The following AIF1L variants were observed in gnomAD, a reference collection of about 807,000 sequenced individuals.
AIF1L encodes allograft inflammatory factor 1-like.
Under a neutral mutation model 20.7 loss-of-function variants are expected in AIF1L, and 12 were observed. The observed-to-expected ratio is 0.58, with a 90% CI of 0.37 to 0.94. The LOEUF (loss-of-function observed/expected upper bound fraction) is 0.94, where lower values mean the gene tolerates loss of function less well. Among genes scored for constraint, AIF1L ranks in the 40% least tolerant of loss-of-function variants. The pLI, the probability that AIF1L is intolerant of heterozygous loss-of-function variation, is 0.01. For synonymous variants in AIF1L, 76 were observed against 65.1 expected, an observed-to-expected ratio of 1.17 and a Z score of -0.81; for missense variants, 173 against 185.3, an observed-to-expected ratio of 0.93 and a Z score of 0.39.
At chr9:131,098,643 G>A (rs1415248996) in intron 2 of AIF1L, among the ~76,000 whole-genome samples, 2 of 152,176 alleles carry the variant, frequency 1.3e-5, no homozygotes, top group Non-Finnish European at 2.9e-5. Context: ...GGGAGGGGGC[G>A]GCTCCAGGGT....
intron 5 of AIF1L, 95 bp downstream of exon 5, chr9:131,118,013 A>T: frequency 7.4e-7 from 1 of 1,354,554 alleles, no homozygotes; most frequent in Non-Finnish European, 1.0e-6. Flanking sequence ...TTCCCCACCT[A>T]GTAGGTAACT....
At chr9:131,109,717 C>T (rs959540078) in intron 2 of AIF1L, among the ~76,000 whole-genome samples, 1 of 152,202 alleles carries the variant, frequency 6.6e-6, no homozygotes, top group Non-Finnish European at 1.5e-5. Context: ...ACATAAGTTA[C>T]CTGGCACTGT....
intron 2 of AIF1L, chr9:131,102,906 C>T: frequency 2.2e-6 from 1 of 456,298 alleles, no homozygotes. Context: ...GTGATATCCG[C>T]CCACCCCAAA....
intron 5 of AIF1L, 73 bp downstream of exon 5, chr9:131,117,991 G>T: frequency 6.8e-7 from 1 of 1,480,540 alleles, no homozygotes; most frequent in Non-Finnish European, 9.0e-7. Context: ...CTGGCTCTGG[G>T]CACCCCAGCC....
intron 2 of AIF1L, among the ~76,000 whole-genome samples, chr9:131,101,142 C>T (rs1465238382): frequency 6.6e-6 from 1 of 152,040 alleles, no homozygotes; most frequent in Admixed American, 6.6e-5. Context: ...GTGATCCGCC[C>T]CCCTCGGCCT....
In AIF1L at chr9:131,117,829, C is replaced by T; in HGVS notation, c.276C>T (p.Ile92=). 1 of 1,614,148 alleles carries T rather than the reference C, an allele frequency of 6.2e-7. No homozygotes were observed. Among genetic ancestry groups the T allele is most frequent in the Non-Finnish European group, 8.5e-7 (1 of 1,180,024 alleles). Residue 92 remains isoleucine (I), a synonymous_variant, in exon 5 of 6, where the codon ATC becomes ATT. Coordinates refer to ENST00000247291, the MANE Select transcript of AIF1L (RefSeq NM_031426.4). ...PKTHLEMKKM[I]SEVTGGVSDT... ...CCCACCTGGAGATGAAGAAGATGAT[C>T]TCAGAGGTGACAGGAGGGGTCAGTG...
intron 3 of AIF1L, among the ~76,000 whole-genome samples, chr9:131,113,497 C>CAAAAAAAAAAAAA (rs3057292): frequency 4.1e-5 from 2 of 49,332 alleles, no homozygotes; most frequent in Non-Finnish European, 7.3e-5. Flanking sequence ...GACTCCATCT[C>CAAAAAAAAAAAAA]AAAAAAAAAA....
At chr9:131,100,374 C>T (rs2133373613) in intron 2 of AIF1L, among the ~76,000 whole-genome samples, 1 of 152,336 alleles carries the variant, frequency 6.6e-6, no homozygotes, top group South Asian at 2.1e-4. Flanking sequence ...TGTGCCCGTC[C>T]TGTGCCAGGT....
chr9:131,108,891 T>G (rs1002598645), intron 2 of AIF1L, among the ~76,000 whole-genome samples: 1 of 152,196 alleles, frequency 6.6e-6, no homozygotes, highest in Non-Finnish European at 1.5e-5. Flanking sequence ...AAACCCAGAT[T>G]GCTTTATAGT....
chr9:131,110,838 A>C (rs569470338), intron 2 of AIF1L, among the ~76,000 whole-genome samples: 1 of 152,070 alleles, frequency 6.6e-6, no homozygotes, highest in Non-Finnish European at 1.5e-5. Flanking sequence ...GAAGCAGATC[A>C]TGATTCTCAT....
At chr9:131,099,965 G>T (rs531634590) in intron 2 of AIF1L, among the ~76,000 whole-genome samples, 8 of 152,096 alleles carry the variant, frequency 5.3e-5, no homozygotes, top group African/African-American at 9.7e-5. Flanking sequence ...GACCTCAGGT[G>T]ATCTGCCCGC....
intron 2 of AIF1L, among the ~76,000 whole-genome samples, chr9:131,099,480 T>C (rs562687241): frequency 1.3e-5 from 2 of 152,308 alleles, no homozygotes; most frequent in African/African-American, 2.4e-5. Flanking sequence ...CTGCCTTCCT[T>C]TGGGGTGCAG....
intron 4 of AIF1L, among the ~76,000 whole-genome samples, chr9:131,117,312 A>G (rs1831037844): frequency 6.6e-6 from 1 of 152,202 alleles, no homozygotes; most frequent in East Asian, 1.9e-4. Flanking sequence ...CACACTGGGC[A>G]TAACTCCCCA....
intron 4 of AIF1L, 88 bp from the exon 5 acceptor site, chr9:131,117,668 G>A: frequency 1.4e-6 from 2 of 1,414,190 alleles, no homozygotes; most frequent in Non-Finnish European, 1.9e-6. Flanking sequence ...GTTTCTAGGC[G>A]TGGGGTGCCT....
In AIF1L at chr9:131,122,230, T is replaced by A. The variant is rs1831155368; in HGVS notation, c.*1908T>A. ...GCCAACGTGGGTTCCCTGCGGCTCC[T>A]TAGTCACCTCTGATAGCAGATTGAG... is the stretch of plus-strand genomic sequence containing the variant. On this transcript the variant is annotated 3_prime_UTR_variant, in exon 6 of 6. Coordinates refer to ENST00000247291, the MANE Select transcript of AIF1L (RefSeq NM_031426.4). The A allele has an allele frequency of 6.6e-6, 1 of 152,510 alleles. No homozygotes were observed. Among genetic ancestry groups the A allele is most frequent in the South Asian group, 2.1e-4 (1 of 4,816 alleles). The allele number at this position is 152,510 out of a possible 1,614,324, so 9.4% of individuals were successfully genotyped here.
At position 131,122,473 on chromosome 9, in the gene AIF1L, T is replaced by A. The variant is rs956750692; in HGVS notation, c.*2151T>A. 7.2e-6 allele frequency: 1 copy of A among 139,510 alleles called. No homozygotes were observed. Among genetic ancestry groups the A allele is most frequent in the African/African-American group, 2.7e-5 (1 of 37,294 alleles). The allele number at this position is 139,510 out of a possible 1,614,324, so 8.6% of individuals were successfully genotyped here. A position where few individuals can be genotyped will look rare whatever the true frequency, so the allele number is the denominator to read the frequency against. On this transcript the variant is annotated 3_prime_UTR_variant, in exon 6 of 6. Transcript: ENST00000247291. ...TCTACCCCCACCCTGCCCTGTTTTT[T>A]GTTTTTTTTTTCCCCAAGATCATTA...
Position 131,106,314 on chromosome 9 carries a change from T to C in AIF1L, c.94-5283T>C, listed in dbSNP as rs1485848824. 5 of 1,307,950 alleles carry C rather than the reference T, an allele frequency of 3.8e-6. No homozygotes were observed. The East Asian group carries it at 1.3e-4, about 33-fold the overall frequency. 81.0% of individuals were successfully genotyped at this position (1,307,950 alleles called of 1,614,324 possible). On this transcript the variant is annotated intron_variant, in intron 2 of 5. Transcript: ENST00000247291. ...AACTCCTCCACTCATCCTGCACATG[T>C]TTATTGAGCGTCTGCTATGTGGAAC... is the stretch of plus-strand genomic sequence containing the variant.
At chr9:131,096,737 CG>C (rs1410698557) in intron 1 of AIF1L, 64 bp from the exon 2 acceptor site, 6 of 1,471,362 alleles carry the variant, frequency 4.1e-6, no homozygotes, top group Non-Finnish European at 5.4e-6. Flanking sequence ...GGGAAGCGGG[CG>C]GGGACGGGGG....
chr9:131,115,610 ACTC>A (rs1369725196), intron 4 of AIF1L, among the ~76,000 whole-genome samples: 3 of 150,376 alleles, frequency 2.0e-5, no homozygotes, highest in African/African-American at 7.3e-5. Flanking sequence ...CGGCATTTCT[ACTC>A]CTCTTCCTCT....
Sources: gnomAD v4.1 joint callset for allele counts (sites outside exome capture counted in the v4.1 genomes callset) on GRCh38, gnomAD v4.1.1 for gene constraint, MANE v1.5 for transcripts, NCBI Gene and HGNC (gene_info 2026-07-23, HGNC 2026-07-21) for gene names.